Variants in RASSF8 observed in about 807,000 individuals in gnomAD.
The protein encoded by RASSF8 is ras association domain-containing protein 8.
Under a neutral mutation model 48.5 loss-of-function variants are expected in RASSF8, and 22 were observed. The ratio of observed to expected loss-of-function variants is 0.45; its 90% CI spans 0.32 to 0.65. The LOEUF is 0.65. Ranked by LOEUF, RASSF8 falls within the 30% of genes least tolerant of loss-of-function variation. The probability of loss-of-function intolerance (pLI) is 0.03; values close to 1 mark genes in which losing one functional copy is unlikely to be tolerated. For synonymous variants in RASSF8, 127 were observed against 171.5 expected, an observed-to-expected ratio of 0.74 and a Z score of 2.03; for missense variants, 418 against 489.2, an observed-to-expected ratio of 0.85 and a Z score of 1.37.
intron 1 of RASSF8, among the ~76,000 whole-genome samples, chr12:25,964,324 C>G (rs147412128): frequency 0.014 from 2,059 of 150,022 alleles, 23 homozygotes; most frequent in Non-Finnish European, 0.02. Context: ...TCAGATATAT[C>G]ACAAAATATT....
At chr12:26,032,704 G>A (rs532711410) in intron 2 of RASSF8, among the ~76,000 whole-genome samples, 6 of 152,242 alleles carry the variant, frequency 3.9e-5, no homozygotes, top group South Asian at 4.1e-4. Context: ...ATTAGCATGC[G>A]TAATGCCCAG....
intron 1 of RASSF8, among the ~76,000 whole-genome samples, chr12:25,983,983 TA>T (rs1418972694): frequency 6.6e-6 from 1 of 152,226 alleles, no homozygotes; most frequent in Admixed American, 6.5e-5. Flanking sequence ...AGATTTTATG[TA>T]GTATGATTCC....
chr12:26,079,666 T>C (rs2137360069), exon 6 of RASSF8: 1 of 151,842 alleles, frequency 6.6e-6, no homozygotes, highest in South Asian at 2.1e-4. Flanking sequence ...GTGCTCAACA[T>C]CACTGATCAG....
At chr12:26,065,731 T>C (rs1177497204) in intron 4 of RASSF8, among the ~76,000 whole-genome samples, 1 of 152,200 alleles carries the variant, frequency 6.6e-6, no homozygotes, top group Non-Finnish European at 1.5e-5. Context: ...CCAGGGATTG[T>C]TGTGGCTAGC....
At chr12:26,022,405 A>G (rs2137069047) in intron 2 of RASSF8, among the ~76,000 whole-genome samples, 1 of 152,352 alleles carries the variant, frequency 6.6e-6, no homozygotes, top group South Asian at 2.1e-4. Context: ...CAGTAAATTC[A>G]GTTGATTAAA....
intron 2 of RASSF8, among the ~76,000 whole-genome samples, chr12:26,048,946 C>T (rs7133619): frequency 1.2e-4 from 18 of 151,884 alleles, no homozygotes; most frequent in Admixed American, 3.3e-4. Context: ...TTAGTAGAGA[C>T]GGGGTTTCAC....
At chr12:26,044,550 A>G (rs944866458) in intron 2 of RASSF8, among the ~76,000 whole-genome samples, 2 of 152,144 alleles carry the variant, frequency 1.3e-5, no homozygotes, top group Non-Finnish European at 2.9e-5. Context: ...TAGCTCATTC[A>G]TTCTGACTGC....
intron 1 of RASSF8, among the ~76,000 whole-genome samples, chr12:25,994,009 A>G (rs1017651021): frequency 2.0e-5 from 3 of 152,186 alleles, no homozygotes; most frequent in African/African-American, 7.2e-5. Flanking sequence ...TTTGGAGACA[A>G]AGTCTTCATT....
Position 26,071,558 on chromosome 12 carries a change from A to G in RASSF8, c.*2740A>G, listed in dbSNP as rs904324872. ...GTCTGTCATCCTCAGAGAATGGCCCATAGTGTGTTGCCTGTGGACATAGTG... is the reference window on the plus strand; with the variant it reads ...GTCTGTCATCCTCAGAGAATGGCCCGTAGTGTGTTGCCTGTGGACATAGTG... On this transcript the variant is annotated 3_prime_UTR_variant, in exon 6 of 6. Transcript: ENST00000689635. 10 of 980,878 alleles carry G rather than the reference A, an allele frequency of 1.0e-5. No individual in the cohort carries two copies. In the African/African-American group the frequency reaches 1.8e-4, roughly 17 times the overall value. The allele number at this position is 980,878 out of a possible 1,614,324, so 60.8% of individuals were successfully genotyped here.
intron 2 of RASSF8, among the ~76,000 whole-genome samples, chr12:26,016,436 C>T (rs1049916481): frequency 6.6e-6 from 1 of 151,908 alleles, no homozygotes. Context: ...GTTTTCTTGC[C>T]GTGTTACCTT....
At chr12:26,064,299 C>T (rs1414267265) in intron 3 of RASSF8, among the ~76,000 whole-genome samples, 199 bp from the exon 4 acceptor site, 1 of 152,168 alleles carries the variant, frequency 6.6e-6, no homozygotes, top group Non-Finnish European at 1.5e-5. Flanking sequence ...GTGCAATACA[C>T]ATCTTCTGAT....
chr12:25,973,482 C>G (rs1483732558), intron 1 of RASSF8, among the ~76,000 whole-genome samples: 1 of 152,198 alleles, frequency 6.6e-6, no homozygotes, highest in Non-Finnish European at 1.5e-5. Flanking sequence ...GTGATGGTAT[C>G]TATCTTCCTT....
At chr12:26,013,358 T>C (rs1446419551) in intron 2 of RASSF8, among the ~76,000 whole-genome samples, 1 of 152,232 alleles carries the variant, frequency 6.6e-6, no homozygotes, top group African/African-American at 2.4e-5. Context: ...TAATTGCTTA[T>C]AGCAAACCCA....
At chr12:25,975,808 T>C (rs1941591228) in intron 1 of RASSF8, among the ~76,000 whole-genome samples, 1 of 152,088 alleles carries the variant, frequency 6.6e-6, no homozygotes, top group African/African-American at 2.4e-5. Flanking sequence ...CTGGGGACAG[T>C]GGCATAAAGG....
chr12:25,994,369 G>C (rs925344645), intron 1 of RASSF8, among the ~76,000 whole-genome samples: 2 of 152,148 alleles, frequency 1.3e-5, no homozygotes, highest in African/African-American at 4.8e-5. Flanking sequence ...GAAGGGCATA[G>C]TCTGAATGTG....
exon 6 of RASSF8, chr12:26,079,057 A>G (rs889126732): frequency 4.4e-5 from 68 of 1,546,716 alleles, no homozygotes; most frequent in Non-Finnish European, 5.5e-5. Flanking sequence ...TCTGATAAGC[A>G]GGAGTGTAAA....
At chr12:26,041,499 A>G (rs1490418353) in intron 2 of RASSF8, among the ~76,000 whole-genome samples, 3 of 152,254 alleles carry the variant, frequency 2.0e-5, no homozygotes, top group East Asian at 3.9e-4. Flanking sequence ...AGTTAATTTA[A>G]TGAGTATGTA....
chr12:26,008,469 G>A (rs1011955609), intron 2 of RASSF8, among the ~76,000 whole-genome samples: 1 of 152,150 alleles, frequency 6.6e-6, no homozygotes, highest in African/African-American at 2.4e-5. Flanking sequence ...AAGGGATACA[G>A]TGATTAAAGA....
chr12:26,054,414 C>T (rs529600390), intron 2 of RASSF8, among the ~76,000 whole-genome samples: 103 of 152,188 alleles, frequency 6.8e-4, no homozygotes, highest in African/African-American at 2.3e-3. Flanking sequence ...GTAGAACAAA[C>T]GGTTAATGTT....
Sources: allele counts gnomAD v4.1 joint callset (sites outside exome capture counted in the v4.1 genomes callset), GRCh38; gene constraint gnomAD v4.1.1; transcripts MANE v1.5; gene names NCBI Gene and HGNC (gene_info 2026-07-23, HGNC 2026-07-21).